The following RPH3AL variants were observed in gnomAD, a reference collection of about 807,000 sequenced individuals.
RPH3AL encodes rab effector Noc2.
Under a neutral mutation model 43.1 loss-of-function variants are expected in RPH3AL, and 38 were observed. The ratio of observed to expected loss-of-function variants is 0.88; its 90% CI spans 0.68 to 1.15. The LOEUF is 1.15. Ranked by LOEUF, RPH3AL falls within the 50% of genes most tolerant of loss-of-function variation. The probability of loss-of-function intolerance (pLI) is 0.00; values close to 1 mark genes in which losing one functional copy is unlikely to be tolerated. For missense variants in RPH3AL, 462 were observed against 423.2 expected (o/e 1.09, Z -0.81); for synonymous variants, 189 against 176.3 (o/e 1.07, Z -0.57).
intron 5 of RPH3AL, among the ~76,000 whole-genome samples, chr17:309,477 C>G (rs1267724475): frequency 1.3e-5 from 1 of 77,268 alleles, no homozygotes; most frequent in African/African-American, 3.3e-5. Context: ...TCCTGCCAGC[C>G]CCCCTGCTGG....
chr17:294,958 A>T, intron 5 of RPH3AL, among the ~76,000 whole-genome samples: 1 of 76,352 alleles, frequency 1.3e-5, no homozygotes, highest in African/African-American at 5.7e-5. Context: ...GAGGGAATGC[A>T]CATCAGTGTG....
At chr17:262,418 G>C (rs1402960402) in intron 6 of RPH3AL, among the ~76,000 whole-genome samples, 3 of 152,162 alleles carry the variant, frequency 2.0e-5, no homozygotes, top group Non-Finnish European at 2.9e-5. Flanking sequence ...GTTTCACCAT[G>C]TTCGCCGGGC....
chr17:306,818 CT>C, intron 5 of RPH3AL: 1 of 155,132 alleles, frequency 6.4e-6, no homozygotes, highest in South Asian at 1.9e-4. Flanking sequence ...CTCAGGGCCT[CT>C]TTTCCTCCCC....
chr17:241,711 C>CTTTTTTTTTTTTTTTTTTTTT (rs1001979455), intron 7 of RPH3AL, among the ~76,000 whole-genome samples: 5 of 92,766 alleles, frequency 5.4e-5, no homozygotes, highest in Non-Finnish European at 6.7e-5. Flanking sequence ...GTTTCTTTTT[C>CTTTTTTTTTTTTTTTTTTTTT]TTTTTTTTTC....
At chr17:286,205 C>T (rs2042906950) in intron 5 of RPH3AL, among the ~76,000 whole-genome samples, 1 of 152,182 alleles carries the variant, frequency 6.6e-6, no homozygotes, top group Non-Finnish European at 1.5e-5. Flanking sequence ...GGACGCGGAG[C>T]CAACGGATCT....
At chr17:260,030 G>T (rs1027052603) in intron 6 of RPH3AL, among the ~76,000 whole-genome samples, 3 of 152,164 alleles carry the variant, frequency 2.0e-5, no homozygotes. Flanking sequence ...TCTGTCCATT[G>T]TCCACCCCTT....
intron 5 of RPH3AL, among the ~76,000 whole-genome samples, chr17:301,862 G>A (rs1468974576): frequency 6.6e-5 from 10 of 152,142 alleles, no homozygotes; most frequent in Admixed American, 6.5e-4. Flanking sequence ...CCCTCTGAGC[G>A]TCAGTGTCTC....
In RPH3AL at chr17:292,181, G is replaced by T. The variant is rs947770966; in HGVS notation, c.352-10327C>A. ...CAGCGGGTCCCAGATGGTGTCCCCG[G>T]GTCACCGGCCCCTCCGATCATAAGC... On this transcript the variant is annotated intron_variant, in intron 5 of 9. Coordinates refer to ENST00000331302, the MANE Select transcript of RPH3AL (RefSeq NM_006987.4). 3.9e-5 allele frequency among the ~76,000 whole-genome samples: 6 copies of T among 152,254 alleles called. No individual in the cohort carries two copies. In the East Asian group the frequency reaches 7.7e-4, roughly 20 times the overall value.
chr17:284,665 G>A lies in RPH3AL; in HGVS notation c.352-2811C>T, dbSNP rs145990740. ...TCCATTGCACCCCACAGGTGCCCTC[G>A]CAGCCTGGCCTCTCCCCCGGGGGCC... On this transcript the variant is annotated intron_variant, in intron 5 of 9. Coordinates refer to ENST00000331302, the MANE Select transcript of RPH3AL (RefSeq NM_006987.4). 4.1e-3 allele frequency among the ~76,000 whole-genome samples: 617 copies of A among 152,166 alleles called. 3 individuals are homozygous for A. Among genetic ancestry groups the A allele is most frequent in the African/African-American group, 0.014 (576 of 41,526 alleles).
chr17:234,584 G>A (rs959371022), intron 7 of RPH3AL: 2 of 156,162 alleles, frequency 1.3e-5, no homozygotes, highest in South Asian at 1.8e-4. Flanking sequence ...ACAGGCAAAT[G>A]TGTGGTCCCA....
chr17:238,708 A>G (rs2041460013), intron 7 of RPH3AL, among the ~76,000 whole-genome samples: 1 of 152,188 alleles, frequency 6.6e-6, no homozygotes, highest in African/African-American at 2.4e-5. Context: ...CTACTCAAGT[A>G]TGCCATGTTG....
Position 225,754 on chromosome 17 carries a change from T to C in RPH3AL, c.614-6018A>G, listed in dbSNP as rs1444016374. Among the ~76,000 whole-genome samples the C allele has an allele frequency of 6.6e-6, 1 of 151,648 alleles. No individual in the cohort carries two copies. Among genetic ancestry groups the C allele is most frequent in the Non-Finnish European group, 1.5e-5 (1 of 67,880 alleles). On this transcript the variant is annotated intron_variant, in intron 7 of 9. Transcript: ENST00000331302. This position sits in a 1 kb window ranked among gnomAD's most constrained non-coding sequence, Gnocchi z 4.4. ...TGTCCCATCTCCCCCACAGCTAATA[T>C]GGAAAATCTACACAGTCTGGGGCTG...
At chr17:317,500 G>T (rs1433547666) in intron 5 of RPH3AL, among the ~76,000 whole-genome samples, 1 of 143,926 alleles carries the variant, frequency 6.9e-6, no homozygotes, top group African/African-American at 2.6e-5. Context: ...CCATTGACCT[G>T]TAGTCCCTGT....
chr17:250,614 C>A (rs1188994546), intron 6 of RPH3AL, among the ~76,000 whole-genome samples: 2 of 148,626 alleles, frequency 1.3e-5, no homozygotes, highest in African/African-American at 5.0e-5. Flanking sequence ...CTTTACTAAG[C>A]TCCCTCGCTG....
chr17:345,703 GC>G (rs2045224233), intron 1 of RPH3AL, among the ~76,000 whole-genome samples: 1 of 121,866 alleles, frequency 8.2e-6, no homozygotes, highest in African/African-American at 2.7e-5. Flanking sequence ...GGGCACGCGT[GC>G]TCCCCATCTG....
chr17:247,468 T>C (rs1555540685), intron 6 of RPH3AL, among the ~76,000 whole-genome samples, 183 bp from the exon 7 acceptor site: 1 of 152,148 alleles, frequency 6.6e-6, no homozygotes. Context: ...ACTCAGGACA[T>C]GAACTCTCCA....
At chr17:270,328 G>A (rs2042432262) in intron 6 of RPH3AL, among the ~76,000 whole-genome samples, 1 of 152,366 alleles carries the variant, frequency 6.6e-6, no homozygotes, top group African/African-American at 2.4e-5. Flanking sequence ...AGCTTGCGGT[G>A]AGCACAGGCC....
chr17:321,633 TTCCGTGTGCCGGGGTTGGGATTGCG>T (rs2044480491), intron 3 of RPH3AL: 236 of 512,138 alleles, frequency 4.6e-4, no homozygotes, highest in Non-Finnish European at 6.6e-4. Flanking sequence ...ACGGCCCAGG[TTCCGTGTGCCGGGGTTGGGATTGCG>T]GGCAACAGAG....
In RPH3AL at chr17:274,771, C is replaced by T. The variant is rs76408771; in HGVS notation, c.438+6997G>A. Among the ~76,000 whole-genome samples the T allele has an allele frequency of 2.0e-3, 308 of 152,108 alleles. No individual in the cohort carries two copies. Among genetic ancestry groups the T allele is most frequent in the African/African-American group, 7.2e-3 (299 of 41,482 alleles). ...TGCGGGGCTTAGGCTGCTGCAGAAG[C>T]GGGGAGGGGAAAACCTCCAAAGTGT... On this transcript the variant is annotated intron_variant, in intron 6 of 9. Transcript: ENST00000331302. This position sits in a 1 kb window ranked among gnomAD's most constrained non-coding sequence, Gnocchi z 4.7.
Sources: gnomAD v4.1 joint callset for allele counts (sites outside exome capture counted in the v4.1 genomes callset) on GRCh38, gnomAD v4.1.1 for gene constraint, Gnocchi (gnomAD v3.1) non-coding constraint, MANE v1.5 for transcripts, NCBI Gene and HGNC (gene_info 2026-07-23, HGNC 2026-07-21) for gene names.